FRMD5: variants seen among roughly 807,000 people sequenced by gnomAD.
FRMD5 encodes the protein FERM domain-containing protein 5.
In FRMD5, 20 loss-of-function variants were observed where a neutral mutation model predicts 69.0. The ratio of observed to expected loss-of-function variants is 0.29; its 90% CI spans 0.20 to 0.42. The LOEUF (loss-of-function observed/expected upper bound fraction) is 0.42. Ranked by LOEUF, FRMD5 falls within the 10% of genes least tolerant of loss-of-function variation. FRMD5 has a pLI of 1.00. For synonymous variants in FRMD5, 271 were observed against 260.1 expected (o/e 1.04, Z -0.40); for missense variants, 595 against 708.6 (o/e 0.84, Z 1.82).
intron 1 of FRMD5, among the ~76,000 whole-genome samples, chr15:44,097,151 T>C (rs1360791542): frequency 1.3e-5 from 2 of 152,196 alleles, no homozygotes; most frequent in Non-Finnish European, 1.5e-5. Flanking sequence ...CAAAAGCTAG[T>C]GAGAGAACAA....
At chr15:43,885,403 T>C (rs1455917139) in intron 11 of FRMD5, among the ~76,000 whole-genome samples, 2 of 152,192 alleles carry the variant, frequency 1.3e-5, no homozygotes, top group Non-Finnish European at 2.9e-5. Context: ...TTCAAACTCC[T>C]GGCCTCAAGT....
chr15:44,140,328 CTAAATAGATAT>C (rs2077250297), intron 1 of FRMD5, among the ~76,000 whole-genome samples: 1 of 151,692 alleles, frequency 6.6e-6, no homozygotes, highest in Non-Finnish European at 1.5e-5. Flanking sequence ...GGGAGGAAAT[CTAAATAGATAT>C]TATGAAATAC....
At chr15:44,107,572 CTCAAAGGTTAT>C (rs2076737979) in intron 1 of FRMD5, among the ~76,000 whole-genome samples, 1 of 152,042 alleles carries the variant, frequency 6.6e-6, no homozygotes, top group African/African-American at 2.4e-5. Flanking sequence ...AAAAATGCTG[CTCAAAGGTTAT>C]ATGATTAGAG....
At chr15:44,111,553 T>C (rs1047249225) in intron 1 of FRMD5, among the ~76,000 whole-genome samples, 2 of 152,192 alleles carry the variant, frequency 1.3e-5, no homozygotes, top group African/African-American at 4.8e-5. Flanking sequence ...CATTCCTTCA[T>C]AACAGAAAAG....
intron 4 of FRMD5, among the ~76,000 whole-genome samples, chr15:43,911,696 A>G (rs553412061): frequency 6.6e-6 from 1 of 152,326 alleles, no homozygotes; most frequent in African/African-American, 2.4e-5. Flanking sequence ...GGGAGTAATG[A>G]AAATGTAGTA....
intron 5 of FRMD5, among the ~76,000 whole-genome samples, chr15:43,907,882 T>A (rs1029233009): frequency 6.6e-6 from 1 of 152,084 alleles, no homozygotes; most frequent in Non-Finnish European, 1.5e-5. Flanking sequence ...GCTCAAGTGA[T>A]CTTCCACCTC....
chr15:44,035,936 G>A (rs1001194716), intron 1 of FRMD5, among the ~76,000 whole-genome samples: 5 of 152,170 alleles, frequency 3.3e-5, no homozygotes, highest in Non-Finnish European at 5.9e-5. Flanking sequence ...ACTAAAAAAT[G>A]TTATACATGT....
At chr15:43,946,357 G>A (rs772208437) in intron 1 of FRMD5, among the ~76,000 whole-genome samples, 1 of 152,160 alleles carries the variant, frequency 6.6e-6, no homozygotes, top group East Asian at 1.9e-4. Context: ...GTTTATATAC[G>A]CATGTACACG....
At chr15:44,058,069 C>T (rs944487703) in intron 1 of FRMD5, among the ~76,000 whole-genome samples, 1 of 152,118 alleles carries the variant, frequency 6.6e-6, no homozygotes, top group Non-Finnish European at 1.5e-5. Flanking sequence ...TGTTATTTGA[C>T]GTGTAACAGT....
chr15:44,166,300 G>C (rs2077707607), intron 1 of FRMD5, among the ~76,000 whole-genome samples: 1 of 152,128 alleles, frequency 6.6e-6, no homozygotes, highest in Non-Finnish European at 1.5e-5. Context: ...GGATGATGAT[G>C]ATGGTGGTGG....
At chr15:44,038,276 C>T (rs1341635026) in intron 1 of FRMD5, among the ~76,000 whole-genome samples, 1 of 152,040 alleles carries the variant, frequency 6.6e-6, no homozygotes, top group Non-Finnish European at 1.5e-5. Flanking sequence ...TTTTGCTGTG[C>T]AGAAGCTCTT....
intron 1 of FRMD5, among the ~76,000 whole-genome samples, chr15:43,983,173 C>T (rs1786384397): frequency 6.6e-6 from 1 of 152,192 alleles, no homozygotes; most frequent in African/African-American, 2.4e-5. Flanking sequence ...TCAAGTGATC[C>T]ACCAGCCTCA....
chr15:44,076,850 C>A (rs1466624398), intron 1 of FRMD5, among the ~76,000 whole-genome samples: 1 of 151,562 alleles, frequency 6.6e-6, no homozygotes, highest in Non-Finnish European at 1.5e-5. Context: ...TAAAATGATA[C>A]CTCTTATAGT....
chr15:43,884,258 T>A (rs1308551902), intron 12 of FRMD5, among the ~76,000 whole-genome samples: 1 of 152,228 alleles, frequency 6.6e-6, no homozygotes, highest in Admixed American at 6.5e-5. Context: ...AATCCTACCC[T>A]TCTTGGTCAG....
upstream of FRMD5, chr15:44,195,313 G>A: frequency 2.0e-6 from 1 of 505,814 alleles, no homozygotes; most frequent in South Asian, 2.6e-5. Context: ...CTCGCGGGGC[G>A]GGGCCTCAAC....
chr15:43,888,338 G>C lies in FRMD5; in HGVS notation c.793-72C>G, dbSNP rs1266577492. 1.2e-5 allele frequency: 13 copies of C among 1,072,220 alleles called. 1 individual carries two copies. The highest frequency in any genetic ancestry group is 1.8e-5 in the Admixed American group (1 of 55,442). The allele number at this position is 1,072,220 out of a possible 1,614,324, so 66.4% of individuals were successfully genotyped here. ...AAAGGGTGAAGTAGGCGAGGACCCT[G>C]ACCCCAGAGCTGTTAGAGGCCCTGG... On this transcript the variant is annotated intron_variant, in intron 9 of 13. Coordinates refer to ENST00000417257, the MANE Select transcript of FRMD5 (RefSeq NM_032892.5).
chr15:44,023,919 T>A (rs1891321605), intron 1 of FRMD5, among the ~76,000 whole-genome samples: 1 of 152,150 alleles, frequency 6.6e-6, no homozygotes, highest in African/African-American at 2.4e-5. Context: ...CTAGGTCTCG[T>A]TTTCCATATC....
intron 1 of FRMD5, among the ~76,000 whole-genome samples, chr15:43,996,078 C>A (rs1297821163): frequency 6.6e-6 from 1 of 152,056 alleles, no homozygotes; most frequent in Admixed American, 6.5e-5. Context: ...TGCCGTGGCA[C>A]TGGGGCAGGC....
intron 1 of FRMD5, among the ~76,000 whole-genome samples, chr15:44,152,844 T>C (rs1595528641): frequency 6.6e-6 from 1 of 151,282 alleles, no homozygotes; most frequent in South Asian, 2.1e-4. Flanking sequence ...ATTGTGGATC[T>C]GACTTCTTTA....
Sources: gnomAD v4.1 joint callset for allele counts (sites outside exome capture counted in the v4.1 genomes callset) on GRCh38, gnomAD v4.1.1 for gene constraint, MANE v1.5 for transcripts, NCBI Gene and HGNC (gene_info 2026-07-23, HGNC 2026-07-21) for gene names.